Variants in MKLN1 observed in about 807,000 individuals in gnomAD.
MKLN1 encodes the protein muskelin 1.
MKLN1 carries 18 observed loss-of-function variants against 99.0 expected under a neutral mutation model. The observed-to-expected ratio is 0.18, with a 90% CI of 0.13 to 0.27. The LOEUF (loss-of-function observed/expected upper bound fraction) is 0.27, where lower values mean the gene tolerates loss of function less well. Among genes scored for constraint, MKLN1 ranks in the 10% least tolerant of loss-of-function variants. The probability of loss-of-function intolerance (pLI) is 1.00; values close to 1 mark genes in which losing one functional copy is unlikely to be tolerated. For synonymous variants in MKLN1, 288 were observed against 293.2 expected, an observed-to-expected ratio of 0.98 and a Z score of 0.18; for missense variants, 621 against 875.9, an observed-to-expected ratio of 0.71 and a Z score of 3.67.
chr7:131,433,602 T>G (rs1459525732), intron 9 of MKLN1, among the ~76,000 whole-genome samples: 1 of 152,208 alleles, frequency 6.6e-6, no homozygotes, highest in Non-Finnish European at 1.5e-5. Flanking sequence ...ACTCCCTATC[T>G]TCTTGGCCCA....
At chr7:131,333,613 C>G (rs983567217) in intron 1 of MKLN1, among the ~76,000 whole-genome samples, 25 of 151,930 alleles carry the variant, frequency 1.6e-4, no homozygotes, top group South Asian at 1.0e-3. Flanking sequence ...CTCGGCTCAC[C>G]GCAACCTCTG....
intron 3 of MKLN1, among the ~76,000 whole-genome samples, chr7:131,211,458 CCTTA>C (rs1302176794): frequency 6.6e-6 from 1 of 152,100 alleles, no homozygotes; most frequent in Non-Finnish European, 1.5e-5. Context: ...TGTATTCTGC[CCTTA>C]CTGAGAGTCT....
intron 3 of MKLN1, among the ~76,000 whole-genome samples, chr7:131,298,220 G>A (rs1420593979): frequency 2.0e-5 from 3 of 151,972 alleles, no homozygotes; most frequent in Admixed American, 6.5e-5. Flanking sequence ...GCAGTGAGCC[G>A]AGATGACGCC....
intron 1 of MKLN1, among the ~76,000 whole-genome samples, chr7:131,113,585 G>T (rs1795228262): frequency 6.6e-6 from 1 of 151,662 alleles, no homozygotes; most frequent in Non-Finnish European, 1.5e-5. Context: ...AGTTTGGGAG[G>T]TTGAGGTGGG....
chr7:131,337,222 C>T (rs1235551417), intron 1 of MKLN1, among the ~76,000 whole-genome samples: 1 of 152,020 alleles, frequency 6.6e-6, no homozygotes. Flanking sequence ...CCCTGTTTGG[C>T]GTTTCTGGCA....
At chr7:131,167,135 C>T (rs957081946) in intron 2 of MKLN1, among the ~76,000 whole-genome samples, 5 of 151,816 alleles carry the variant, frequency 3.3e-5, no homozygotes, top group Non-Finnish European at 7.4e-5. Context: ...TTGCTTATAT[C>T]ACAACCTGGA....
At position 131,453,220 on chromosome 7, in the gene MKLN1, A is replaced by G. The variant is rs557423991; in HGVS notation, c.1525+7317A>G. 3.9e-5 allele frequency among the ~76,000 whole-genome samples: 6 copies of G among 152,360 alleles called. No homozygotes were observed. In the East Asian group the frequency reaches 9.6e-4, roughly 24 times the overall value. Reference sequence around the variant, plus strand: ...AATGAGAATTAAAGTTCACATGTAAAAACAAACATGCAAGAACACTAACAA... The same window carrying G: ...AATGAGAATTAAAGTTCACATGTAAGAACAAACATGCAAGAACACTAACAA... On this transcript the variant is annotated intron_variant, in intron 12 of 17. Transcript: ENST00000352689.
chr7:131,441,335 G>T (rs1457214311), intron 10 of MKLN1, among the ~76,000 whole-genome samples: 1 of 152,116 alleles, frequency 6.6e-6, no homozygotes, highest in Non-Finnish European at 1.5e-5. Context: ...TTTGAACCCA[G>T]CCAAACCCTT....
At chr7:131,429,300 A>G (rs534916594) in intron 9 of MKLN1, among the ~76,000 whole-genome samples, 155 bp downstream of exon 9, 19 of 152,294 alleles carry the variant, frequency 1.2e-4, no homozygotes, top group African/African-American at 4.6e-4. Context: ...CTTGAATTTC[A>G]GCTTCTATAA....
In MKLN1 at chr7:131,202,146, C is replaced by CTTTTTT. The variant is rs58800874; in HGVS notation, c.-296-684_-296-679dup. 1.7e-3 allele frequency among the ~76,000 whole-genome samples: 100 copies of CTTTTTT among 60,266 alleles called. 5 individuals carry two copies. Among genetic ancestry groups the CTTTTTT allele is most frequent in the Non-Finnish European group, 2.5e-3 (79 of 31,384 alleles). 39.5% of individuals were successfully genotyped at this position (60,266 alleles called of 152,430 possible). ...GGTTTCTCCACTTTGGCACTATTGA[C>CTTTTTT]TTTTTTTTTTTTTTTTTTTTTTTTT... On this transcript the variant is annotated intron_variant, in intron 2 of 7. Transcript: ENST00000416992.
At chr7:131,118,701 G>T (rs1030879583) in intron 1 of MKLN1, among the ~76,000 whole-genome samples, 1 of 152,184 alleles carries the variant, frequency 6.6e-6, no homozygotes, top group African/African-American at 2.4e-5. Flanking sequence ...ATGGCGAAAG[G>T]TGAAGAGGAA....
intron 17 of MKLN1, among the ~76,000 whole-genome samples, chr7:131,482,754 T>A (rs1414296655): frequency 2.0e-5 from 3 of 152,230 alleles, no homozygotes; most frequent in Non-Finnish European, 4.4e-5. Flanking sequence ...GTCATTGTCA[T>A]CAGTCATACT....
chr7:131,310,582 T>C (rs1798547304), intron 3 of MKLN1: 1 of 152,218 alleles, frequency 6.6e-6, no homozygotes, highest in South Asian at 2.1e-4. Context: ...GAAAGTGACA[T>C]TCTTTACTTA....
At chr7:131,199,179 T>A (rs1480291133) in intron 2 of MKLN1, among the ~76,000 whole-genome samples, 2 of 151,664 alleles carry the variant, frequency 1.3e-5, no homozygotes, top group African/African-American at 4.8e-5. Context: ...ATGTTTTAGA[T>A]ATAGCTGAAT....
At chr7:131,287,621 A>G (rs1249985492) in intron 3 of MKLN1, among the ~76,000 whole-genome samples, 2 of 152,054 alleles carry the variant, frequency 1.3e-5, no homozygotes, top group African/African-American at 4.8e-5. Flanking sequence ...TAATATTCCC[A>G]GGTTCCAGAG....
intron 1 of MKLN1, among the ~76,000 whole-genome samples, chr7:131,366,827 T>C (rs1224687354): frequency 3.3e-5 from 5 of 151,680 alleles, no homozygotes; most frequent in African/African-American, 1.2e-4. Context: ...AAAACAAGAG[T>C]AGTAATTTGA....
intron 3 of MKLN1, among the ~76,000 whole-genome samples, chr7:131,292,233 A>C (rs1048672788): frequency 6.6e-6 from 1 of 152,228 alleles, no homozygotes; most frequent in African/African-American, 2.4e-5. Context: ...AGCAAAAGCC[A>C]TGCTTTCAAA....
At chr7:131,392,696 C>G (rs971452466) in intron 4 of MKLN1, among the ~76,000 whole-genome samples, 2 of 151,512 alleles carry the variant, frequency 1.3e-5, no homozygotes, top group Middle Eastern at 3.4e-3. Flanking sequence ...CTTCCTGCCT[C>G]CTGGGTTCAA....
rs1563294070 is a variant in MKLN1, at chr7:131,327,917, T to C, written c.18T>C (p.Ala6=). The change falls in exon 1 of 18, where the codon GCT becomes GCC. Residue 6 remains alanine (A), a synonymous_variant. Transcript: ENST00000352689. ...CTGACAAGATGGCGGCTGGCGGAGC[T>C]GTCGCTGCGGCGCCCGAGTGCCGGC... MAAGG[A]VAAAPECRLL... is the part of the protein sequence containing the mutation. 5.0e-6 allele frequency: 8 copies of C among 1,612,822 alleles called. No homozygotes were observed. The highest frequency in any genetic ancestry group is 6.8e-6 in the Non-Finnish European group (8 of 1,179,802).
Sources: gnomAD v4.1 joint callset for allele counts (sites outside exome capture counted in the v4.1 genomes callset) on GRCh38, gnomAD v4.1.1 for gene constraint, MANE v1.5 for transcripts, NCBI Gene and HGNC (gene_info 2026-07-23, HGNC 2026-07-21) for gene names.